GRXCR1: variants seen among roughly 807,000 people sequenced by gnomAD.
GRXCR1 encodes the protein glutaredoxin domain-containing cysteine-rich protein 1.
Under a neutral mutation model 27.3 loss-of-function variants are expected in GRXCR1, and 27 were observed. That is an observed-to-expected ratio of 0.99 (90% CI 0.73 to 1.37). GRXCR1 has a LOEUF of 1.37. Ranked by LOEUF, GRXCR1 falls within the 40% of genes most tolerant of loss-of-function variation. The probability of loss-of-function intolerance (pLI) is 0.00; values close to 1 mark genes in which losing one functional copy is unlikely to be tolerated. For missense variants in GRXCR1, 379 were observed against 354.4 expected (o/e 1.07, Z -0.56); for synonymous variants, 122 against 131.1 (o/e 0.93, Z 0.47).
In GRXCR1 at chr4:42,932,654, A is replaced by G. The variant is rs866960029; in HGVS notation, c.385-30238A>G. The stretch of plus-strand genomic sequence containing the variant: ...GAGAGAGAGAGAGAGAGAGAGAGAG[A>G]GAGAGAGAGAGGCAATCTGTACAGG... On this transcript the variant is annotated intron_variant, in intron 1 of 3. Transcript: ENST00000399770. Among the ~76,000 whole-genome samples the G allele has an allele frequency of 1.6e-4, 22 of 135,408 alleles. 1 individual carries two copies. In the Middle Eastern group the frequency reaches 0.012, roughly 74 times the overall value. 88.8% of individuals were successfully genotyped at this position (135,408 alleles called of 152,430 possible).
chr4:43,017,676 C>T (rs1712969524), intron 2 of GRXCR1, among the ~76,000 whole-genome samples: 1 of 151,880 alleles, frequency 6.6e-6, no homozygotes, highest in Non-Finnish European at 1.5e-5. Flanking sequence ...TAAACTATGC[C>T]AAGTAATAGA....
At chr4:42,905,619 C>A (rs1199227005) in intron 1 of GRXCR1, among the ~76,000 whole-genome samples, 1 of 152,074 alleles carries the variant, frequency 6.6e-6, no homozygotes, top group Non-Finnish European at 1.5e-5. Context: ...TGGTTGATGT[C>A]CTCTCATGGA....
intron 1 of GRXCR1, among the ~76,000 whole-genome samples, chr4:42,912,440 C>G (rs1477097529): frequency 6.6e-6 from 1 of 152,042 alleles, no homozygotes; most frequent in South Asian, 2.1e-4. Flanking sequence ...GAACTTGAAC[C>G]CTTTATGGAA....
At position 42,897,301 on chromosome 4, in the gene GRXCR1, C is replaced by T. The variant is rs529267897; in HGVS notation, c.384+3651C>T. Among the ~76,000 whole-genome samples the T allele has an allele frequency of 5.9e-5, 9 of 152,166 alleles. No individual in the cohort carries two copies. The East Asian group carries it at 1.2e-3, about 20-fold the overall frequency. ...TCTTATGAGATTACATTTCAGACAG[C>T]GATTTTTTTCTTGACCTTATCCTCA... On this transcript the variant is annotated intron_variant, in intron 1 of 3. Transcript: ENST00000399770.
At chr4:42,984,284 A>C (rs550092010) in intron 2 of GRXCR1, among the ~76,000 whole-genome samples, 1 of 151,908 alleles carries the variant, frequency 6.6e-6, no homozygotes, top group East Asian at 1.9e-4. Flanking sequence ...GTCACTTTTT[A>C]TTTTTCTCAT....
rs754115014 is a variant in GRXCR1, at chr4:42,963,078, C to T, written c.571C>T (p.Arg191Ter). The T allele has an allele frequency of 2.6e-5, 42 of 1,612,644 alleles. No homozygotes were observed. The highest frequency in any genetic ancestry group is 3.4e-5 in the Non-Finnish European group (40 of 1,178,944). ...AAAAGAGTTAGACGAACGATGCCGA[C>T]GAGTTTCTGAAGCTCCTTCCCTCCC... ...YGKELDERCR[R>*]VSEAPSLPVV... The change falls in exon 2 of 4, where the codon CGA becomes TGA. Residue 191 changes from arginine to a stop codon, truncating the protein, a stop_gained. Coordinates refer to ENST00000399770, the MANE Select transcript of GRXCR1 (RefSeq NM_001080476.3). LOFTEE classifies it high-confidence loss of function.
chr4:43,018,171 G>A (rs1712989889), intron 2 of GRXCR1, among the ~76,000 whole-genome samples: 1 of 152,076 alleles, frequency 6.6e-6, no homozygotes, highest in African/African-American at 2.4e-5. Flanking sequence ...GGGAACAGGA[G>A]GCTTTGACTA....
Position 42,943,625 on chromosome 4 carries a change from G to GAAC in GRXCR1, c.385-19256_385-19254dup, listed in dbSNP as rs373981790. ...AACTAAACCAAAGTTATGAAAATGAGAACAACAACAACAGCAATGACAGAT... is the reference window on the plus strand; with the variant it reads ...AACTAAACCAAAGTTATGAAAATGAGAACAACAACAACAACAGCAATGACAGAT... On this transcript the variant is annotated intron_variant, in intron 1 of 3. Transcript: ENST00000399770. Among the ~76,000 whole-genome samples the GAAC allele has an allele frequency of 4.6e-5, 7 of 152,070 alleles. No individual in the cohort carries two copies. In the East Asian group the frequency reaches 1.4e-3, roughly 30 times the overall value.
At chr4:42,919,755 A>G (rs902742897) in intron 1 of GRXCR1, among the ~76,000 whole-genome samples, 3 of 152,102 alleles carry the variant, frequency 2.0e-5, no homozygotes, top group African/African-American at 7.2e-5. Flanking sequence ...AAAAGAATAT[A>G]TTCCCAGAAC....
chr4:42,897,389 T>G (rs1396229914), intron 1 of GRXCR1, among the ~76,000 whole-genome samples: 1 of 152,082 alleles, frequency 6.6e-6, no homozygotes, highest in Non-Finnish European at 1.5e-5. Context: ...TTTCCTTTCC[T>G]TCTCCAAATT....
At position 43,010,860 on chromosome 4, in the gene GRXCR1, G is replaced by A. The variant is rs116607667; in HGVS notation, c.628-9494G>A. Among the ~76,000 whole-genome samples, 666 of 152,212 alleles carry A rather than the reference G, an allele frequency of 4.4e-3. 7 individuals are homozygous for A. The highest frequency in any genetic ancestry group is 0.013 in the African/African-American group (557 of 41,532). On this transcript the variant is annotated intron_variant, in intron 2 of 3. Transcript: ENST00000399770. ...GTTACTAAGGTGCTATGTGTGCCAGGCACTATGCTAAATACTCAACATATA... is the reference window on the plus strand; with the variant it reads ...GTTACTAAGGTGCTATGTGTGCCAGACACTATGCTAAATACTCAACATATA...
chr4:43,020,324 A>AT (rs1713054338), intron 2 of GRXCR1, 30 bp from the exon 3 acceptor site: 2 of 1,464,190 alleles, frequency 1.4e-6, no homozygotes, highest in African/African-American at 2.8e-5. Flanking sequence ...ACAAAAATGG[A>AT]TTTTTCTCCC....
chr4:42,913,497 G>C (rs1253135971), intron 1 of GRXCR1, among the ~76,000 whole-genome samples: 2 of 152,174 alleles, frequency 1.3e-5, no homozygotes, highest in African/African-American at 4.8e-5. Flanking sequence ...AAAGAGAAAT[G>C]ATTTAGATTT....
At position 43,014,120 on chromosome 4, in the gene GRXCR1, C is replaced by T. The variant is rs569462788; in HGVS notation, c.628-6234C>T. Reference sequence around the variant, plus strand: ...CAGTTAATTCTTCCTGCCAGGGATACAGAAAAACCACGCTCTTTAGGATGA... The same window carrying T: ...CAGTTAATTCTTCCTGCCAGGGATATAGAAAAACCACGCTCTTTAGGATGA... On this transcript the variant is annotated intron_variant, in intron 2 of 3. Coordinates refer to ENST00000399770, the MANE Select transcript of GRXCR1 (RefSeq NM_001080476.3). Among the ~76,000 whole-genome samples, 31 of 150,146 alleles carry T rather than the reference C, an allele frequency of 2.1e-4. 3 individuals carry two copies. Among genetic ancestry groups the T allele is most frequent in the South Asian group, 1.9e-3 (9 of 4,740 alleles).
At chr4:42,980,958 G>GTT (rs1433408389) in intron 2 of GRXCR1, among the ~76,000 whole-genome samples, 2 of 147,346 alleles carry the variant, frequency 1.4e-5, no homozygotes, top group African/African-American at 5.0e-5. Flanking sequence ...TGTTTTTTTT[G>GTT]TGTTTTTTTT....
intron 2 of GRXCR1, among the ~76,000 whole-genome samples, chr4:42,973,895 A>G (rs1748445152): frequency 6.6e-6 from 1 of 152,170 alleles, no homozygotes. Context: ...ACACTCAGTA[A>G]ACATTTGCTA....
chr4:42,909,464 A>T (rs1746669071), intron 1 of GRXCR1, among the ~76,000 whole-genome samples: 1 of 152,168 alleles, frequency 6.6e-6, no homozygotes, highest in Non-Finnish European at 1.5e-5. Context: ...CAGAAAACAC[A>T]AACAAAACAC....
intron 1 of GRXCR1, among the ~76,000 whole-genome samples, chr4:42,902,918 T>A (rs1040276128): frequency 6.6e-6 from 1 of 152,028 alleles, no homozygotes; most frequent in African/African-American, 2.4e-5. Flanking sequence ...AGAAAAGGAG[T>A]CATTTGTCCC....
chr4:42,894,102 G>T (rs889588974), intron 1 of GRXCR1, among the ~76,000 whole-genome samples: 3 of 152,076 alleles, frequency 2.0e-5, no homozygotes, highest in South Asian at 2.1e-4. Flanking sequence ...CAACTGGAAG[G>T]TTGTGCAGCA....
Sources: gnomAD v4.1 joint callset for allele counts (sites outside exome capture counted in the v4.1 genomes callset) on GRCh38, gnomAD v4.1.1 for gene constraint, MANE v1.5 for transcripts, NCBI Gene and HGNC (gene_info 2026-07-23, HGNC 2026-07-21) for gene names.